SMC6: variants seen among roughly 807,000 people sequenced by gnomAD.
The protein encoded by SMC6 is structural maintenance of chromosomes 6.
SMC6 carries 79 observed loss-of-function variants against 142.2 expected under a neutral mutation model. That is an observed-to-expected ratio of 0.56 (90% CI 0.46 to 0.67). The LOEUF (loss-of-function observed/expected upper bound fraction) is 0.67, where lower values mean the gene tolerates loss of function less well. SMC6 is among the 30% of genes least tolerant of loss of function. SMC6 has a pLI of 0.00. For synonymous variants in SMC6, 411 were observed against 412.4 expected (o/e 1.00, Z 0.04); for missense variants, 1,072 against 1,284.0 (o/e 0.83, Z 2.52).
At chr2:17,712,529 C>T (rs1181575117) in intron 16 of SMC6, among the ~76,000 whole-genome samples, 4 of 152,078 alleles carry the variant, frequency 2.6e-5, no homozygotes, top group African/African-American at 9.7e-5. Context: ...AAAGAAGAAA[C>T]AAGACCATCT....
intron 5 of SMC6, among the ~76,000 whole-genome samples, chr2:17,736,629 C>T (rs531346224): frequency 6.6e-6 from 1 of 151,564 alleles, no homozygotes; most frequent in South Asian, 2.1e-4. Flanking sequence ...AATTCCAGCA[C>T]TTTGGGAGGC....
chr2:17,721,300 A>G, intron 9 of SMC6, 39 bp from the exon 10 acceptor site: 2 of 1,514,500 alleles, frequency 1.3e-6, no homozygotes, highest in East Asian at 2.3e-5. Flanking sequence ...TTTTTTATTA[A>G]TGTTGAAAAA....
chr2:17,702,653 G>A (rs1185444140), intron 19 of SMC6, among the ~76,000 whole-genome samples: 1 of 152,114 alleles, frequency 6.6e-6, no homozygotes, highest in Admixed American at 6.6e-5. Flanking sequence ...TGTGTTGTGG[G>A]AGGGACCTGA....
At chr2:17,740,469 C>A (rs1670383665) in intron 4 of SMC6, among the ~76,000 whole-genome samples, 1 of 152,224 alleles carries the variant, frequency 6.6e-6, no homozygotes, top group African/African-American at 2.4e-5. Context: ...CAGAAACTTT[C>A]TGCCTTCTGT....
At chr2:17,733,084 TAA>T (rs752135050) in intron 5 of SMC6, among the ~76,000 whole-genome samples, 1 of 152,248 alleles carries the variant, frequency 6.6e-6, no homozygotes, top group Non-Finnish European at 1.5e-5. Flanking sequence ...TCCCTTAATA[TAA>T]AAGTGTTTTA....
At chr2:17,674,110 A>G (rs2710656) in intron 25 of SMC6, among the ~76,000 whole-genome samples, 74,480 of 151,808 alleles carry the variant, frequency 0.49, 20,487 homozygotes, top group African/African-American at 0.72. Flanking sequence ...AATTTATAAT[A>G]GGCTTTTTTC....
intron 25 of SMC6, among the ~76,000 whole-genome samples, chr2:17,677,202 G>A (rs2555075): frequency 0.35 from 53,306 of 151,910 alleles, 10,183 homozygotes; most frequent in African/African-American, 0.47. Context: ...GTCTCCAAAC[G>A]TACAATATTT....
intron 4 of SMC6, 33 bp downstream of exon 4, chr2:17,741,579 T>G: frequency 7.1e-7 from 1 of 1,415,786 alleles, no homozygotes; most frequent in Non-Finnish European, 9.9e-7. Context: ...AAAGTACTGC[T>G]CAAAGTCAAA....
chr2:17,698,381 T>G (rs1442861793), intron 21 of SMC6, among the ~76,000 whole-genome samples: 12 of 152,068 alleles, frequency 7.9e-5, no homozygotes, highest in Admixed American at 7.9e-4. Flanking sequence ...CTATAAGATT[T>G]TGCTTCCCTT....
At chr2:17,667,571 C>T (rs1008506698) in intron 26 of SMC6, among the ~76,000 whole-genome samples, 21 of 152,140 alleles carry the variant, frequency 1.4e-4, no homozygotes, top group Non-Finnish European at 2.8e-4. Context: ...TATGTGGTGC[C>T]GGGCGCAGCA....
At chr2:17,667,331 T>G (rs1666545056) in intron 26 of SMC6, among the ~76,000 whole-genome samples, 3 of 152,190 alleles carry the variant, frequency 2.0e-5, no homozygotes, top group African/African-American at 7.2e-5. Context: ...CAGACCAATT[T>G]CTCAATTATA....
At chr2:17,731,720 G>C in intron 6 of SMC6, 21 bp downstream of exon 6, 2 of 1,602,178 alleles carry the variant, frequency 1.2e-6, no homozygotes, top group East Asian at 4.5e-5. Flanking sequence ...TATAAGAAAT[G>C]AAAAGAGAAT....
intron 17 of SMC6, among the ~76,000 whole-genome samples, chr2:17,707,618 G>C (rs1668614335): frequency 6.6e-6 from 1 of 151,946 alleles, no homozygotes; most frequent in Non-Finnish European, 1.5e-5. Flanking sequence ...TGACAAATTG[G>C]TGTATATTTA....
chr2:17,691,530 A>G (rs1667726703), intron 23 of SMC6, among the ~76,000 whole-genome samples: 1 of 151,634 alleles, frequency 6.6e-6, no homozygotes, highest in African/African-American at 2.4e-5. Flanking sequence ...CATGCTAAAA[A>G]CTCTCAATAA....
intron 4 of SMC6, among the ~76,000 whole-genome samples, chr2:17,741,298 G>C (rs1670461333): frequency 6.6e-6 from 1 of 152,172 alleles, no homozygotes; most frequent in South Asian, 2.1e-4. Context: ...GTTTAGTAAG[G>C]CAAGACACAA....
chr2:17,736,929 A>T (rs569282682), intron 5 of SMC6, among the ~76,000 whole-genome samples: 45 of 152,128 alleles, frequency 3.0e-4, no homozygotes, highest in Non-Finnish European at 4.0e-4. Context: ...ATTAAAAAAA[A>T]TTTTTAAATA....
At chr2:17,717,478 TGGCTAA>T in intron 12 of SMC6, among the ~76,000 whole-genome samples, 1 of 151,882 alleles carries the variant, frequency 6.6e-6, no homozygotes, top group Non-Finnish European at 1.5e-5. Context: ...TAGACCACCC[TGGCTAA>T]CATGGTGAAA....
Position 17,716,140 on chromosome 2 carries a change from T to G in SMC6, c.1471A>C (p.Ile491Leu), listed in dbSNP as rs772226192. The G allele has an allele frequency of 9.9e-6, 16 of 1,610,386 alleles. No homozygotes were observed. The highest frequency in any genetic ancestry group is 1.4e-5 in the Non-Finnish European group (16 of 1,179,130). The change falls in exon 15 of 28, where the codon ATA becomes CTA. Residue 491 changes from isoleucine to leucine, a missense_variant. This residue lies in a region of SMC6 where 994 missense variants were observed against 1,153.2 expected (regional missense o/e 0.86). Transcript: ENST00000448223. ...TGTCCTTGTCTATAAGCATCATCTA[T>G]GGCTTCAAGAAGAGCTGGAACATTA... ...GPNVPALLEAIDDAYRQGHFT... is the reference protein window; with the variant it reads ...GPNVPALLEALDDAYRQGHFT...
intron 4 of SMC6, chr2:17,740,840 A>T (rs1255292111): frequency 1.2e-5 from 3 of 240,372 alleles, no homozygotes; most frequent in African/African-American, 5.0e-5. Context: ...ATAGAGGGAG[A>T]CTCTGTCTCA....
Sources: gnomAD v4.1 joint callset for allele counts (sites outside exome capture counted in the v4.1 genomes callset) on GRCh38, gnomAD v4.1.1 for gene constraint, gnomAD v4.1.1 regional missense constraint, MANE v1.5 for transcripts, NCBI Gene and HGNC (gene_info 2026-07-23, HGNC 2026-07-21) for gene names.